The following NR1H3 variants were observed in gnomAD, a reference collection of about 807,000 sequenced individuals.
NR1H3 encodes the protein nuclear receptor subfamily 1 group H member 3, also known as oxysterols receptor LXR-alpha.
In NR1H3, 19 loss-of-function variants were observed where a neutral mutation model predicts 48.1. The ratio of observed to expected loss-of-function variants is 0.40; its 90% CI spans 0.28 to 0.58. The LOEUF (loss-of-function observed/expected upper bound fraction) is 0.58, where lower values mean the gene tolerates loss of function less well. Ranked by LOEUF, NR1H3 falls within the 20% of genes least tolerant of loss-of-function variation. The pLI, the probability that NR1H3 is intolerant of heterozygous loss-of-function variation, is 0.50. For synonymous variants in NR1H3, 232 were observed against 227.3 expected (o/e 1.02, Z -0.19); for missense variants, 486 against 595.9 (o/e 0.82, Z 1.92).
Position 47,268,537 on chromosome 11 carries a change from C to G in NR1H3, c.1198-13C>G, listed in dbSNP as rs1329456931. The G allele has an allele frequency of 6.2e-7, 1 of 1,614,060 alleles. No homozygotes were observed. The highest frequency in any genetic ancestry group is 8.5e-7 in the Non-Finnish European group (1 of 1,180,016). On this transcript the variant is annotated splice_polypyrimidine_tract_variant and intron_variant, in intron 9 of 9. Coordinates refer to ENST00000441012, the MANE Select transcript of NR1H3 (RefSeq NM_005693.4). ...ACAGGCAAAAGCTGTGTTTGTCTCT[C>G]TCCTTTCCCCAGGACCGACTGATGT...
At chr11:47,261,523 C>T (rs1427071688) in intron 5 of NR1H3, 24 bp from the exon 6 acceptor site, 1 of 1,611,962 alleles carries the variant, frequency 6.2e-7, no homozygotes, top group Non-Finnish European at 8.5e-7. Flanking sequence ...ACTCAAAGCG[C>T]TTTGCCTTTT....
At chr11:47,251,627 A>T (rs1017450160) in intron 1 of NR1H3, among the ~76,000 whole-genome samples, 1 of 152,106 alleles carries the variant, frequency 6.6e-6, no homozygotes, top group Non-Finnish European at 1.5e-5. Context: ...AAAAAATAAA[A>T]TAAAGAGGGC....
chr11:47,267,886 G>T (rs576785954), intron 7 of NR1H3, 27 bp from the exon 8 acceptor site: 1 of 1,499,766 alleles, frequency 6.7e-7, no homozygotes, highest in Admixed American at 1.7e-5. Context: ...CCTGCTGCTT[G>T]CGTCAGCCTC....
chr11:47,268,486 C>G (rs1957462837), intron 9 of NR1H3, 64 bp from the exon 10 acceptor site: 1 of 1,608,016 alleles, frequency 6.2e-7, no homozygotes, highest in South Asian at 1.1e-5. Context: ...CCACAACTCC[C>G]CTACTCTTGC....
At chr11:47,255,591 T>TCTCTCTCTCTCTCTC (rs1565178611), upstream of NR1H3, among the ~76,000 whole-genome samples, 4 of 59,466 alleles carry the variant, frequency 6.7e-5, no homozygotes, top group African/African-American at 3.4e-4. Context: ...CTTTCTTTCT[T>TCTCTCTCTCTCTCTC]TCTTTCTCTC....
chr11:47,261,677 A>G lies in NR1H3; in HGVS notation c.839A>G (p.Gln280Arg), dbSNP rs758649181. The G allele has an allele frequency of 6.2e-7, 1 of 1,614,202 alleles. No homozygotes were observed. Among genetic ancestry groups the G allele is most frequent in the Admixed American group, 1.7e-5 (1 of 60,020 alleles). ...GCTAAACAGCTACCCGGCTTCCTGC[A>G]GCTCAGCCGGGAGGACCAGATTGCC... ...DFAKQLPGFLQLSREDQIALL... is the reference protein window; with the variant it reads ...DFAKQLPGFLRLSREDQIALL... Residue 280 changes from glutamine to arginine, a missense_variant, in exon 6 of 10, where the codon CAG becomes CGG. Physicochemically the swap from Gln to Arg is conservative, Grantham distance 43. Coordinates refer to ENST00000441012, the MANE Select transcript of NR1H3 (RefSeq NM_005693.4).
At chr11:47,259,492 C>T (rs1398189527) in intron 2 of NR1H3, 16 of 1,543,792 alleles carry the variant, frequency 1.0e-5, no homozygotes, top group Non-Finnish European at 1.4e-5. Context: ...GAGAGTTGGC[C>T]AGCTGAGTGC....
intron 3 of NR1H3, 38 bp from the exon 4 acceptor site, chr11:47,260,371 C>A: frequency 6.4e-7 from 1 of 1,572,182 alleles, no homozygotes; most frequent in South Asian, 1.2e-5. Context: ...TGATGTTTTT[C>A]CTCGGGGGAG....
Position 47,258,054 on chromosome 11 carries a change from A to G in NR1H3, c.-113A>G. 1 of 985,324 alleles carries G rather than the reference A, an allele frequency of 1.0e-6. No homozygotes were observed. Among genetic ancestry groups the G allele is most frequent in the East Asian group, 1.1e-4 (1 of 8,764 alleles). The allele number at this position is 985,324 out of a possible 1,614,324, so 61.0% of individuals were successfully genotyped here. ...GGCCACCGAGACTTCTGGACAGGAA[A>G]CTGCACCATCCTCTTCTCCCAGCAA... On this transcript the variant is annotated 5_prime_UTR_variant, in exon 1 of 10. Transcript: ENST00000441012.
exon 1 of NR1H3, chr11:47,248,971 G>T: frequency 6.6e-7 from 1 of 1,521,950 alleles, no homozygotes; most frequent in Non-Finnish European, 8.8e-7. Context: ...GAGGGTCGTG[G>T]TCTGGCTGTG....
Position 47,268,805 on chromosome 11 carries a change from C to A in NR1H3, c.*109C>A. 7.4e-7 allele frequency: 1 copy of A among 1,359,360 alleles called. No individual in the cohort carries two copies. The highest frequency in any genetic ancestry group is 1.0e-6 in the Non-Finnish European group (1 of 994,370). The allele number at this position is 1,359,360 out of a possible 1,614,324, so 84.2% of individuals were successfully genotyped here. A position where few individuals can be genotyped will look rare whatever the true frequency, so the allele number is the denominator to read the frequency against. On this transcript the variant is annotated 3_prime_UTR_variant, in exon 10 of 10. Coordinates refer to ENST00000441012, the MANE Select transcript of NR1H3 (RefSeq NM_005693.4). ...AGGGCAAACATTCCTGGGAGCTGGG[C>A]AAGGAGATCCTCCCGTGGCATTAAA... is the stretch of plus-strand genomic sequence containing the variant.
At chr11:47,255,579 T>A (rs371521392), upstream of NR1H3, among the ~76,000 whole-genome samples, 1 of 83,130 alleles carries the variant, frequency 1.2e-5, no homozygotes, top group Non-Finnish European at 2.3e-5. Context: ...CTTTCTTTCT[T>A]TCTTTCTTTC....
chr11:47,253,272 T>C (rs556216022), upstream of NR1H3, among the ~76,000 whole-genome samples: 3 of 152,338 alleles, frequency 2.0e-5, no homozygotes, highest in Middle Eastern at 6.8e-3. Context: ...CCCAGTCTTA[T>C]ACCTGTATTC....
chr11:47,248,983 C>T (rs1954368402), exon 1 of NR1H3: 3 of 1,504,572 alleles, frequency 2.0e-6, no homozygotes, highest in Non-Finnish European at 2.7e-6. Flanking sequence ...CTGGCTGTGG[C>T]GGAGGAGCAT....
At chr11:47,259,748 G>T (rs755092057) in intron 2 of NR1H3, 43 bp from the exon 3 acceptor site, 92 of 1,610,096 alleles carry the variant, frequency 5.7e-5, no homozygotes, top group Non-Finnish European at 7.8e-5. Flanking sequence ...GTGGAGCCGG[G>T]ATGGGGCCTG....
rs543316725 is a variant in NR1H3, at chr11:47,264,326, G to A, written c.988+2308G>A. Among the ~76,000 whole-genome samples the A allele has an allele frequency of 3.9e-5, 6 of 152,292 alleles. No individual in the cohort carries two copies. The South Asian group carries it at 1.2e-3, about 32-fold the overall frequency. ...GCCTTCCTTGGTTTCTGATAACTCA[G>A]GCCAGCTCACGTGCCTCTTGCTCTC... On this transcript the variant is annotated intron_variant, in intron 7 of 9. Coordinates refer to ENST00000441012, the MANE Select transcript of NR1H3 (RefSeq NM_005693.4).
At chr11:47,260,755 C>T (rs1366343311) in intron 4 of NR1H3, 80 bp downstream of exon 4, 2 of 1,471,426 alleles carry the variant, frequency 1.4e-6, no homozygotes, top group African/African-American at 1.4e-5. Flanking sequence ...GGTGCCTGAA[C>T]TTGCAGGGGC....
rs923571053 is a variant in NR1H3 at position 47,259,894 on chromosome 11, T to C, written c.147T>C (p.Ser49=). 5 of 1,612,692 alleles carry C rather than the reference T, an allele frequency of 3.1e-6. No individual in the cohort carries two copies. Among genetic ancestry groups the C allele is most frequent in the Non-Finnish European group, 4.2e-6 (5 of 1,179,630 alleles). The change falls in exon 3 of 10, where the codon TCT becomes TCC. Residue 49 remains serine (S), a synonymous_variant. Transcript: ENST00000441012. ...GAGAGGAAGCCAGGATGCCCCACTCTGCTGGGGGTACTGCAGGGGTGGGGC... is the reference window on the plus strand; with the variant it reads ...GAGAGGAAGCCAGGATGCCCCACTCCGCTGGGGGTACTGCAGGGGTGGGGC... ...ILREEARMPH[S]AGGTAGVGLE...
At chr11:47,248,933 G>A in exon 1 of NR1H3, 3 of 1,535,600 alleles carry the variant, frequency 2.0e-6, no homozygotes, top group Non-Finnish European at 2.6e-6. Context: ...GCGGGGAAAA[G>A]GCGCAGTCTC....
Sources: gnomAD v4.1 joint callset for allele counts (sites outside exome capture counted in the v4.1 genomes callset) on GRCh38, gnomAD v4.1.1 for gene constraint, MANE v1.5 for transcripts, NCBI Gene and HGNC (gene_info 2026-07-23, HGNC 2026-07-21) for gene names.